Variants in ZFPM2 observed in about 807,000 individuals in gnomAD.
ZFPM2 encodes the protein zinc finger protein, FOG family member 2.
ZFPM2 carries 20 observed loss-of-function variants against 98.6 expected under a neutral mutation model. The ratio of observed to expected loss-of-function variants is 0.20; its 90% confidence interval spans 0.14 to 0.29. The LOEUF (loss-of-function observed/expected upper bound fraction) is 0.29, where lower values mean the gene tolerates loss of function less well. ZFPM2 is among the 10% of genes least tolerant of loss of function. The probability of loss-of-function intolerance (pLI) is 1.00; values close to 1 mark genes in which losing one functional copy is unlikely to be tolerated. For missense variants in ZFPM2, 1,310 were observed against 1,388.6 expected (o/e 0.94, Z 0.90); for synonymous variants, 518 against 502.7 (o/e 1.03, Z -0.41).
intron 5 of ZFPM2, among the ~76,000 whole-genome samples, chr8:105,668,577 T>G (rs1044400989): frequency 6.6e-6 from 1 of 152,200 alleles, no homozygotes; most frequent in Non-Finnish European, 1.5e-5. Flanking sequence ...ATTATAAGAA[T>G]TGTTCAGGAT....
At chr8:105,319,839 A>G (rs1354921380) in intron 1 of ZFPM2, 1 of 152,226 alleles carries the variant, frequency 6.6e-6, no homozygotes, top group Non-Finnish European at 1.5e-5. Flanking sequence ...CTTAGAGGAC[A>G]CGGCGGGTCA....
chr8:105,415,209 C>T (rs1005452674), intron 1 of ZFPM2, among the ~76,000 whole-genome samples: 13 of 152,064 alleles, frequency 8.5e-5, no homozygotes, highest in African/African-American at 2.9e-4. Flanking sequence ...GATGCTTACT[C>T]ATTTATTCTG....
intron 1 of ZFPM2, among the ~76,000 whole-genome samples, chr8:105,380,608 T>TAAC (rs1211861245): frequency 1.5e-5 from 1 of 68,242 alleles, no homozygotes; most frequent in Non-Finnish European, 2.6e-5. Context: ...ATATTATATA[T>TAAC]ATATATATTA....
In ZFPM2 at chr8:105,444,462, A is replaced by G. The variant is rs796755035; in HGVS notation, c.301+81A>G. The G allele has an allele frequency of 9.7e-6, 10 of 1,029,162 alleles. No homozygotes were observed. In the African/African-American group the frequency reaches 1.6e-4, roughly 17 times the overall value. 63.8% of individuals were successfully genotyped at this position (1,029,162 alleles called of 1,614,324 possible). ...TTTCTTTTTTTCTTGAACATCAGTT[A>G]GCTTGCAAAAAATGTTTTTGTGTGT... is the stretch of plus-strand genomic sequence containing the variant. On this transcript the variant is annotated intron_variant, in intron 3 of 7. Coordinates refer to ENST00000407775, the MANE Select transcript of ZFPM2 (RefSeq NM_012082.4).
chr8:105,743,487 C>CAGGT (rs1812271107), intron 5 of ZFPM2, among the ~76,000 whole-genome samples: 2 of 152,056 alleles, frequency 1.3e-5, no homozygotes, highest in South Asian at 4.2e-4. Context: ...GTGGACTCAC[C>CAGGT]AGGTATATGC....
chr8:105,637,340 T>C (rs1027792550), intron 5 of ZFPM2, among the ~76,000 whole-genome samples: 70 of 152,222 alleles, frequency 4.6e-4, no homozygotes, highest in African/African-American at 1.4e-3. Flanking sequence ...TATTAAAGTG[T>C]GGCATTTCCC....
At chr8:105,328,088 A>G (rs1416940735) in intron 1 of ZFPM2, among the ~76,000 whole-genome samples, 1 of 151,826 alleles carries the variant, frequency 6.6e-6, no homozygotes, top group African/African-American at 2.4e-5. Context: ...ATTTTCATCC[A>G]TGTCCAATAT....
At chr8:105,720,158 C>A (rs556897663) in intron 5 of ZFPM2, among the ~76,000 whole-genome samples, 86 of 151,964 alleles carry the variant, frequency 5.7e-4, no homozygotes, top group African/African-American at 2.0e-3. Context: ...AACCAGCATT[C>A]TTCTAGGGAT....
At chr8:105,726,980 A>G (rs1301064807) in intron 5 of ZFPM2, among the ~76,000 whole-genome samples, 1 of 151,768 alleles carries the variant, frequency 6.6e-6, no homozygotes, top group East Asian at 1.9e-4. Context: ...CTTAGTCACA[A>G]AGTGTATAGT....
chr8:105,455,097 T>A (rs1812561926), intron 3 of ZFPM2, among the ~76,000 whole-genome samples: 1 of 152,212 alleles, frequency 6.6e-6, no homozygotes, highest in Non-Finnish European at 1.5e-5. Context: ...GAAATGCTCA[T>A]TGAAGCATTT....
intron 4 of ZFPM2, among the ~76,000 whole-genome samples, chr8:105,605,694 C>G (rs1178524111): frequency 6.6e-6 from 1 of 152,062 alleles, no homozygotes; most frequent in Non-Finnish European, 1.5e-5. Flanking sequence ...ATTGGTTTCT[C>G]ATTCTTCTAT....
chr8:105,803,528 A>G lies in ZFPM2; in HGVS notation c.3446A>G (p.His1149Arg). Residue 1149 changes from histidine to arginine, a missense_variant, in exon 8 of 8, where the codon CAT becomes CGT. By Grantham distance (29) the His-to-Arg change is conservative. Transcript: ENST00000407775. ...TATTGCTCATCACATGCAGCAGAAC[A>G]TGTCAAATGAACTAACTAAACATCA... ...KFYCSSHAAE[H>R]VK 2.5e-6 allele frequency: 4 copies of G among 1,607,138 alleles called. No homozygotes were observed. Among genetic ancestry groups the G allele is most frequent in the Non-Finnish European group, 3.4e-6 (4 of 1,176,254 alleles).
chr8:105,425,628 C>T (rs1362842311), intron 2 of ZFPM2, among the ~76,000 whole-genome samples: 5 of 152,162 alleles, frequency 3.3e-5, no homozygotes, highest in Non-Finnish European at 7.3e-5. Context: ...GAAATGTTTC[C>T]CCCCTCCTCC....
intron 3 of ZFPM2, among the ~76,000 whole-genome samples, chr8:105,551,136 C>G (rs530762766): frequency 6.6e-6 from 1 of 152,256 alleles, no homozygotes; most frequent in South Asian, 2.1e-4. Flanking sequence ...TTTCTATCGA[C>G]TAAGGCATTT....
chr8:105,430,127 G>T (rs1480772405), intron 2 of ZFPM2, among the ~76,000 whole-genome samples: 1 of 152,136 alleles, frequency 6.6e-6, no homozygotes, highest in Admixed American at 6.5e-5. Context: ...AGATAGTTCT[G>T]ACCTTTACTG....
At chr8:105,325,579 T>G (rs916717993) in intron 1 of ZFPM2, among the ~76,000 whole-genome samples, 12 of 151,798 alleles carry the variant, frequency 7.9e-5, no homozygotes, top group Non-Finnish European at 1.5e-5. Flanking sequence ...ACTTCATCTC[T>G]TGGGTCAAAG....
chr8:105,575,627 A>T (rs886438711), intron 4 of ZFPM2, among the ~76,000 whole-genome samples: 3 of 152,164 alleles, frequency 2.0e-5, no homozygotes, highest in African/African-American at 7.2e-5. Flanking sequence ...GTTTTAAGTC[A>T]TTTGCTCCAT....
At chr8:105,742,462 G>A (rs1357425540) in intron 5 of ZFPM2, among the ~76,000 whole-genome samples, 4 of 151,722 alleles carry the variant, frequency 2.6e-5, no homozygotes, top group Non-Finnish European at 5.9e-5. Context: ...GTTTGAGAAT[G>A]GGATGGTGAG....
chr8:105,772,956 G>A (rs1813014232), intron 5 of ZFPM2, among the ~76,000 whole-genome samples: 1 of 152,160 alleles, frequency 6.6e-6, no homozygotes, highest in African/African-American at 2.4e-5. Context: ...GTGCCATTTA[G>A]TTGAGCATTG....
Sources: gnomAD v4.1 joint callset for allele counts (sites outside exome capture counted in the v4.1 genomes callset) on GRCh38, gnomAD v4.1.1 for gene constraint, MANE v1.5 for transcripts, NCBI Gene and HGNC (gene_info 2026-07-23, HGNC 2026-07-21) for gene names.